RPSA2: variants seen among roughly 807,000 people sequenced by gnomAD.
RPSA2 encodes ribosomal protein SA 2.
At chr19:23,855,637 T>C in the RPSA2 span, among the ~76,000 whole-genome samples, 1 of 151,894 alleles carries the variant, frequency 6.6e-6, no homozygotes, top group African/African-American at 2.4e-5. Flanking sequence ...GAAACTGAGG[T>C]TGAGGAAGTC....
chr19:23,831,770 A>T, the RPSA2 span: 1 of 289,914 alleles, frequency 3.4e-6, no homozygotes, highest in South Asian at 4.4e-5. Flanking sequence ...TAATGGACTT[A>T]ACAAGTGTTT....
At chr19:23,865,531 G>A in the RPSA2 span, among the ~76,000 whole-genome samples, 1 of 152,096 alleles carries the variant, frequency 6.6e-6, no homozygotes, top group African/African-American at 2.4e-5. Flanking sequence ...GGCAACAGAA[G>A]TCAGTTTCTG....
the RPSA2 span, among the ~76,000 whole-genome samples, chr19:23,796,383 G>A: frequency 0.012 from 1,795 of 148,254 alleles, 41 homozygotes; most frequent in African/African-American, 0.041. Flanking sequence ...GTATTTTGTT[G>A]AGGATTTTTG....
At chr19:23,829,838 A>T in the RPSA2 span, among the ~76,000 whole-genome samples, 6 of 152,190 alleles carry the variant, frequency 3.9e-5, no homozygotes, top group Admixed American at 6.5e-5. Context: ...TCAGAGAATA[A>T]TTAAAAATGT....
At chr19:23,855,407 C>A in the RPSA2 span, among the ~76,000 whole-genome samples, 2 of 152,184 alleles carry the variant, frequency 1.3e-5, no homozygotes, top group African/African-American at 4.8e-5. Flanking sequence ...ATACTGAGTA[C>A]AAGCATCCTT....
At chr19:23,810,164 C>A in the RPSA2 span, among the ~76,000 whole-genome samples, 1 of 151,862 alleles carries the variant, frequency 6.6e-6, no homozygotes. Flanking sequence ...GAGGCCGAGG[C>A]GGGTGGATCA....
chr19:23,795,339 TCTTA>T, the RPSA2 span, among the ~76,000 whole-genome samples: 6 of 152,180 alleles, frequency 3.9e-5, no homozygotes, highest in Non-Finnish European at 7.4e-5. Flanking sequence ...TTGTGCCATT[TCTTA>T]CTTCTTTAAG....
At chr19:23,824,580 C>CTTTCTTTTTTTTTTTTTTTTTTTTTTTTT in the RPSA2 span, among the ~76,000 whole-genome samples, 17 of 63,824 alleles carry the variant, frequency 2.7e-4, 5 homozygotes, top group East Asian at 9.7e-4. Context: ...TATAGCATTT[C>CTTTCTTTTTTTTTTTTTTTTTTTTTTTTT]TTTTTTTTTT....
chr19:23,823,191 C>A, the RPSA2 span, among the ~76,000 whole-genome samples: 1 of 152,182 alleles, frequency 6.6e-6, no homozygotes, highest in Non-Finnish European at 1.5e-5. Flanking sequence ...CCCCGAATAA[C>A]CTTTCTTAAA....
chr19:23,864,163 T>C, the RPSA2 span, among the ~76,000 whole-genome samples: 5 of 152,194 alleles, frequency 3.3e-5, no homozygotes, highest in East Asian at 1.9e-4. Flanking sequence ...CTGAGCAAGA[T>C]GACACTGGCT....
At chr19:23,828,168 C>T in the RPSA2 span, 1 of 628,298 alleles carries the variant, frequency 1.6e-6, no homozygotes, top group Non-Finnish European at 2.8e-6. Context: ...TAAATGACTA[C>T]TTATATGACC....
At chr19:23,823,526 TCA>T in the RPSA2 span, among the ~76,000 whole-genome samples, 2 of 152,090 alleles carry the variant, frequency 1.3e-5, no homozygotes, top group Non-Finnish European at 2.9e-5. Context: ...ACCATCTCTT[TCA>T]CACACAGTCA....
the RPSA2 span, among the ~76,000 whole-genome samples, chr19:23,769,605 A>G: frequency 6.6e-6 from 1 of 152,098 alleles, no homozygotes; most frequent in African/African-American, 2.4e-5. Flanking sequence ...TGACCTCCCA[A>G]AGTGCTGGGA....
At chr19:23,761,398 A>G in the RPSA2 span, among the ~76,000 whole-genome samples, 1 of 152,072 alleles carries the variant, frequency 6.6e-6, no homozygotes, top group African/African-American at 2.4e-5. Flanking sequence ...TTTTTAAAGA[A>G]CTGTTACAAC....
chr19:23,866,339 C>G, the RPSA2 span, among the ~76,000 whole-genome samples: 2 of 152,204 alleles, frequency 1.3e-5, no homozygotes, highest in Non-Finnish European at 2.9e-5. Context: ...CTATGAAATG[C>G]AAATGCAGAT....
At chr19:23,867,390 A>G in the RPSA2 span, among the ~76,000 whole-genome samples, 1 of 152,238 alleles carries the variant, frequency 6.6e-6, no homozygotes, top group African/African-American at 2.4e-5. Flanking sequence ...AGACTTACTT[A>G]TAGCATTGGA....
chr19:23,849,485 GA>G, the RPSA2 span, among the ~76,000 whole-genome samples: 5 of 152,314 alleles, frequency 3.3e-5, no homozygotes, highest in Admixed American at 2.6e-4. Flanking sequence ...ACAACAGACA[GA>G]AAAGTTTCCG....
the RPSA2 span, among the ~76,000 whole-genome samples, chr19:23,835,851 C>T: frequency 6.6e-6 from 1 of 152,102 alleles, no homozygotes; most frequent in African/African-American, 2.4e-5. Flanking sequence ...TCACGCTGGT[C>T]TCAAACTCCT....
chr19:23,857,493 TTTTTTTTTTTTTTTG>T, the RPSA2 span, among the ~76,000 whole-genome samples: 8 of 111,036 alleles, frequency 7.2e-5, no homozygotes, highest in African/African-American at 2.2e-4. Flanking sequence ...GTCTTTTTTT[TTTTTTTTTTTTTTTG>T]AGATGGAGTT....
Sources: allele counts gnomAD v4.1 joint callset (sites outside exome capture counted in the v4.1 genomes callset), GRCh38; gene constraint gnomAD v4.1.1; transcripts MANE v1.5; gene names NCBI Gene and HGNC (gene_info 2026-07-23, HGNC 2026-07-21).